FAM241A: variants seen among roughly 807,000 people sequenced by gnomAD.
FAM241A encodes family with sequence similarity 241 member A.
Under a neutral mutation model 12.2 loss-of-function variants are expected in FAM241A, and 7 were observed. That is an observed-to-expected ratio of 0.58 (90% CI 0.33 to 1.08). The LOEUF (loss-of-function observed/expected upper bound fraction) is 1.08, where lower values mean the gene tolerates loss of function less well. Ranked by LOEUF, FAM241A falls within the 50% of genes least tolerant of loss-of-function variation. The pLI, the probability that FAM241A is intolerant of heterozygous loss-of-function variation, is 0.04. For synonymous variants in FAM241A, 74 were observed against 68.2 expected (o/e 1.08, Z -0.42); for missense variants, 161 against 169.7 (o/e 0.95, Z 0.29).
intron 1 of FAM241A, among the ~76,000 whole-genome samples, chr4:112,183,702 ATTTT>A (rs954293607): frequency 6.6e-6 from 1 of 151,916 alleles, no homozygotes; most frequent in Non-Finnish European, 1.5e-5. Context: ...AAAAAAAAAA[ATTTT>A]TTTAAGAACT....
chr4:112,172,841 G>A (rs574842499), intron 1 of FAM241A, among the ~76,000 whole-genome samples: 18 of 152,046 alleles, frequency 1.2e-4, no homozygotes, highest in Non-Finnish European at 2.1e-4. Context: ...TCATTTATGC[G>A]TTAATATGTT....
intron 1 of FAM241A, among the ~76,000 whole-genome samples, chr4:112,177,452 C>A (rs931587065): frequency 1.3e-5 from 2 of 151,994 alleles, no homozygotes; most frequent in Non-Finnish European, 1.5e-5. Context: ...TAAGAATAAC[C>A]AGGTTCACAT....
chr4:112,162,947 T>C (rs1173560942), intron 1 of FAM241A, among the ~76,000 whole-genome samples: 1 of 152,214 alleles, frequency 6.6e-6, no homozygotes, highest in African/African-American at 2.4e-5. Context: ...AGCATGGTAC[T>C]GCTACGAAAA....
Position 112,186,782 on chromosome 4 carries a change from C to T in FAM241A, c.243C>T (p.Asn81=), listed in dbSNP as rs1427268436. Reference sequence around the variant, plus strand: ...CACTTTTTGGTGAACTGAACAAAAACCTTATCAACATGGGCTTCACAAGGA... The same window carrying T: ...CACTTTTTGGTGAACTGAACAAAAATCTTATCAACATGGGCTTCACAAGGA... ...MGTLFGELNK[N]LINMGFTRMY... The change falls in exon 2 of 2, where the codon AAC becomes AAT. Residue 81 remains asparagine, a synonymous_variant. Transcript: ENST00000309733. 1 of 1,613,552 alleles carries T rather than the reference C, an allele frequency of 6.2e-7. No individual in the cohort carries two copies. Among genetic ancestry groups the T allele is most frequent in the Non-Finnish European group, 8.5e-7 (1 of 1,179,868 alleles).
At chr4:112,148,273 C>T (rs1723179338) in intron 1 of FAM241A, among the ~76,000 whole-genome samples, 1 of 151,998 alleles carries the variant, frequency 6.6e-6, no homozygotes. Flanking sequence ...TTTCCTCAAC[C>T]TGGAAAGCTC....
chr4:112,173,814 A>G (rs1347024522), intron 1 of FAM241A, among the ~76,000 whole-genome samples: 4 of 152,206 alleles, frequency 2.6e-5, no homozygotes, highest in Non-Finnish European at 5.9e-5. Flanking sequence ...ACAGTTCACC[A>G]TCAAAAGTAA....
chr4:112,163,823 A>G (rs1179083689), intron 1 of FAM241A, among the ~76,000 whole-genome samples: 1 of 152,238 alleles, frequency 6.6e-6, no homozygotes, highest in Non-Finnish European at 1.5e-5. Flanking sequence ...CTATACCCAG[A>G]GGATTATAAA....
At chr4:112,166,046 ATTTT>A (rs34666622) in intron 1 of FAM241A, among the ~76,000 whole-genome samples, 1 of 137,592 alleles carries the variant, frequency 7.3e-6, no homozygotes, top group Non-Finnish European at 1.6e-5. Flanking sequence ...TGTACTCAGA[ATTTT>A]TTTTTTTTTT....
chr4:112,169,667 C>T (rs1291496529), intron 1 of FAM241A, among the ~76,000 whole-genome samples: 1 of 152,084 alleles, frequency 6.6e-6, no homozygotes, highest in Admixed American at 6.5e-5. Flanking sequence ...TAATACTTAG[C>T]AGCCTAAAAG....
At chr4:112,162,727 A>G (rs1158601156) in intron 1 of FAM241A, among the ~76,000 whole-genome samples, 1 of 152,202 alleles carries the variant, frequency 6.6e-6, no homozygotes, top group Non-Finnish European at 1.5e-5. Context: ...GAAAATGGCC[A>G]TACTGCCCAA....
chr4:112,171,675 C>T lies in FAM241A; in HGVS notation c.154-15018C>T, dbSNP rs539386115. On this transcript the variant is annotated intron_variant, in intron 1 of 1. Transcript: ENST00000309733. ...GAGATCGAGACTATCCTGGCTAACA[C>T]GGTGAAACCTCGTCTCTACTAAAAA... 81 of 444,892 alleles carry T rather than the reference C, an allele frequency of 1.8e-4. 1 individual carries two copies. The East Asian group carries it at 2.6e-3, about 14-fold the overall frequency. 27.6% of individuals were successfully genotyped at this position (444,892 alleles called of 1,614,324 possible). A position where few individuals can be genotyped will look rare whatever the true frequency, so the allele number is the denominator to read the frequency against.
chr4:112,151,859 T>TTTTG (rs911753443), intron 1 of FAM241A, among the ~76,000 whole-genome samples: 14 of 152,190 alleles, frequency 9.2e-5, no homozygotes, highest in South Asian at 6.2e-4. Flanking sequence ...AGCTAGTGTT[T>TTTTG]TTTGTTTGTT....
At chr4:112,166,290 T>G (rs1723593852) in intron 1 of FAM241A, among the ~76,000 whole-genome samples, 1 of 151,986 alleles carries the variant, frequency 6.6e-6, no homozygotes, top group Admixed American at 6.6e-5. Flanking sequence ...TCTCCTGGTC[T>G]CGATCTCCTG....
At chr4:112,172,542 A>G (rs1478985407) in intron 1 of FAM241A, among the ~76,000 whole-genome samples, 1 of 152,196 alleles carries the variant, frequency 6.6e-6, no homozygotes, top group Non-Finnish European at 1.5e-5. Context: ...TTTTTTGCCA[A>G]TTCTTTTGAT....
chr4:112,150,744 T>A (rs1723230766), intron 1 of FAM241A, among the ~76,000 whole-genome samples: 1 of 152,234 alleles, frequency 6.6e-6, no homozygotes, highest in Admixed American at 6.5e-5. Context: ...TGCCTTTTAT[T>A]GACTGTAACT....
chr4:112,150,485 GATA>G (rs1241952490), intron 1 of FAM241A, among the ~76,000 whole-genome samples: 2 of 152,206 alleles, frequency 1.3e-5, no homozygotes, highest in Non-Finnish European at 2.9e-5. Context: ...CCTTTCAAAT[GATA>G]ATGTCTCATT....
rs142447183 is a variant in FAM241A, at chr4:112,186,364, C to T, written c.154-329C>T. On this transcript the variant is annotated intron_variant, in intron 1 of 1. Transcript: ENST00000309733. ...GGTCATCTGAGGCTCGGTTTCTTAACGTCTTAGTGTCAAAGGAACCGTCTA... is the reference window on the plus strand; with the variant it reads ...GGTCATCTGAGGCTCGGTTTCTTAATGTCTTAGTGTCAAAGGAACCGTCTA... Among the ~76,000 whole-genome samples the T allele has an allele frequency of 3.7e-4, 57 of 152,246 alleles. 1 individual carries two copies. Among genetic ancestry groups the T allele is most frequent in the South Asian group, 2.9e-3 (14 of 4,814 alleles).
intron 1 of FAM241A, among the ~76,000 whole-genome samples, chr4:112,153,213 CT>C (rs1560579562): frequency 6.6e-6 from 1 of 151,446 alleles, no homozygotes; most frequent in African/African-American, 2.4e-5. Flanking sequence ...TAGTTGGTTT[CT>C]TTTCCCCCTT....
chr4:112,171,187 C>T lies in FAM241A; in HGVS notation c.154-15506C>T, dbSNP rs768199176. 354 of 611,802 alleles carry T rather than the reference C, an allele frequency of 5.8e-4. 3 individuals carry two copies. The highest frequency in any genetic ancestry group is 9.9e-5 in the Non-Finnish European group (33 of 333,540). The allele number at this position is 611,802 out of a possible 1,614,324, so 37.9% of individuals were successfully genotyped here. A position where few individuals can be genotyped will look rare whatever the true frequency, so the allele number is the denominator to read the frequency against. The stretch of plus-strand genomic sequence containing the variant: ...ATTTTAAAATTATTATTTTTACTTT[C>T]TTTCTGTGCCGATAGCACTCCTGCA... On this transcript the variant is annotated intron_variant, in intron 1 of 1. Coordinates refer to ENST00000309733, the MANE Select transcript of FAM241A (RefSeq NM_152400.3).
Sources: gnomAD v4.1 joint callset for allele counts (sites outside exome capture counted in the v4.1 genomes callset) on GRCh38, gnomAD v4.1.1 for gene constraint, MANE v1.5 for transcripts, NCBI Gene and HGNC (gene_info 2026-07-23, HGNC 2026-07-21) for gene names.